Variants in ATXN2 observed in about 807,000 individuals in gnomAD.
The protein encoded by ATXN2 is ataxin 2.
ATXN2 carries 37 observed loss-of-function variants against 138.6 expected under a neutral mutation model. The observed-to-expected ratio is 0.27, with a 90% CI of 0.21 to 0.35. ATXN2 has a LOEUF of 0.35. Ranked by LOEUF, ATXN2 falls within the 10% of genes least tolerant of loss-of-function variation. The pLI, the probability that ATXN2 is intolerant of heterozygous loss-of-function variation, is 1.00. For missense variants in ATXN2, 1,216 were observed against 1,480.3 expected (o/e 0.82, Z 2.93); for synonymous variants, 549 against 543.7 (o/e 1.01, Z -0.13).
chr12:111,541,398 C>T (rs1297348731), intron 5 of ATXN2, among the ~76,000 whole-genome samples: 1 of 124,364 alleles, frequency 8.0e-6, no homozygotes, highest in African/African-American at 3.1e-5. Flanking sequence ...GTTGCCCAGG[C>T]TGGAGTGCAA....
At chr12:111,558,067 T>C (rs1442218743) in intron 1 of ATXN2, among the ~76,000 whole-genome samples, 2 of 152,218 alleles carry the variant, frequency 1.3e-5, no homozygotes, top group African/African-American at 2.4e-5. Context: ...TGTTTGACCA[T>C]GGAGTTTACT....
At chr12:111,526,943 C>T (rs527655198) in intron 5 of ATXN2, among the ~76,000 whole-genome samples, 1 of 152,308 alleles carries the variant, frequency 6.6e-6, no homozygotes, top group African/African-American at 2.4e-5. Context: ...TACAGTATTA[C>T]CTGTCTCAGA....
At position 111,577,351 on chromosome 12, in the gene ATXN2, C is replaced by T. The variant is rs188887834; in HGVS notation, c.252-21432G>A. Among the ~76,000 whole-genome samples the T allele has an allele frequency of 1.5e-3, 225 of 152,060 alleles. 2 individuals carry two copies. The highest frequency in any genetic ancestry group is 5.3e-3 in the African/African-American group (220 of 41,502). On this transcript the variant is annotated intron_variant, in intron 1 of 24. Transcript: ENST00000673436. ...CACGATCTCGGCTCACTGCAAGCTCCGCCTCCCGGGTTCACGCCATTCTCC... is the reference window on the plus strand; with the variant it reads ...CACGATCTCGGCTCACTGCAAGCTCTGCCTCCCGGGTTCACGCCATTCTCC...
intron 14 of ATXN2, among the ~76,000 whole-genome samples, chr12:111,489,491 T>C (rs1045926802): frequency 6.6e-6 from 1 of 151,932 alleles, no homozygotes; most frequent in Non-Finnish European, 1.5e-5. Flanking sequence ...CAGGCGCCTA[T>C]AGTCCCTGCT....
chr12:111,566,740 G>A (rs1104098), intron 1 of ATXN2, among the ~76,000 whole-genome samples: 17 of 151,552 alleles, frequency 1.1e-4, no homozygotes, highest in South Asian at 2.1e-4. Context: ...AGGTTCAAGC[G>A]ATTCTCCTGC....
At chr12:111,471,436 A>G (rs1476876121) in intron 18 of ATXN2, 1 of 152,182 alleles carries the variant, frequency 6.6e-6, no homozygotes, top group Non-Finnish European at 1.5e-5. Flanking sequence ...GCTACTTCCC[A>G]TGTGCCTCTT....
chr12:111,532,219 A>C (rs975423714), intron 5 of ATXN2, among the ~76,000 whole-genome samples: 2 of 152,122 alleles, frequency 1.3e-5, no homozygotes, highest in African/African-American at 2.4e-5. Flanking sequence ...GGTGGCTCAC[A>C]CCTGTAATCC....
At chr12:111,483,947 T>C (rs376218332) in intron 18 of ATXN2, among the ~76,000 whole-genome samples, 1 of 151,856 alleles carries the variant, frequency 6.6e-6, no homozygotes, top group South Asian at 2.1e-4. Flanking sequence ...GACGGCTGGC[T>C]AAGATTTCTA....
intron 21 of ATXN2, among the ~76,000 whole-genome samples, chr12:111,464,330 T>G (rs980625155): frequency 8.4e-6 from 1 of 119,282 alleles, no homozygotes; most frequent in Admixed American, 7.6e-5. Context: ...CTTGGGTGTG[T>G]GTGTTTGTGT....
chr12:111,464,588 T>G, intron 21 of ATXN2, 74 bp downstream of exon 21: 1 of 1,144,730 alleles, frequency 8.7e-7, no homozygotes. Context: ...TCAACAAGTC[T>G]ACTCCCTTAA....
chr12:111,488,770 C>T lies in ATXN2; in HGVS notation c.1946G>A (p.Ser649Asn), dbSNP rs574747776. 5 of 1,603,706 alleles carry T rather than the reference C, an allele frequency of 3.1e-6. No individual in the cohort carries two copies. Among genetic ancestry groups the T allele is most frequent in the Non-Finnish European group, 4.3e-6 (5 of 1,172,704 alleles). The change falls in exon 15 of 25, where the codon AGT becomes AAT. Residue 649 changes from serine to asparagine, a missense_variant. Coordinates refer to ENST00000673436, the MANE Select transcript of ATXN2 (RefSeq NM_001372574.1). Reference protein sequence around the residue: ...KFKNDFRLQPSSTSESMDQLL... With the variant: ...KFKNDFRLQPNSTSESMDQLL... The stretch of plus-strand genomic sequence containing the variant: ...TTGATCCATAGATTCAGAAGTAGAA[C>T]TTGGCTGTAACTAAATAAAGGAAAC...
At chr12:111,587,897 A>C (rs1566083297) in intron 1 of ATXN2, among the ~76,000 whole-genome samples, 1 of 152,116 alleles carries the variant, frequency 6.6e-6, no homozygotes, top group East Asian at 1.9e-4. Flanking sequence ...CATGGCACGA[A>C]ACTGACATTT....
At chr12:111,590,528 T>C (rs1884600585) in intron 1 of ATXN2, among the ~76,000 whole-genome samples, 1 of 151,704 alleles carries the variant, frequency 6.6e-6, no homozygotes, top group African/African-American at 2.4e-5. Context: ...CTACTAAAAA[T>C]ACAAAAATTA....
chr12:111,513,674 A>G (rs1298463410), intron 10 of ATXN2, 135 bp from the exon 11 acceptor site: 12 of 676,226 alleles, frequency 1.8e-5, no homozygotes, highest in South Asian at 1.1e-4. Flanking sequence ...TAAAAATAGA[A>G]AAAAAAAAAA....
intron 5 of ATXN2, among the ~76,000 whole-genome samples, chr12:111,537,205 A>T (rs1881236891): frequency 6.6e-6 from 1 of 152,226 alleles, no homozygotes; most frequent in South Asian, 2.1e-4. Context: ...GTGTAACTGT[A>T]TAATGGAATA....
At chr12:111,486,895 A>G (rs1681869046) in intron 15 of ATXN2, 71 bp from the exon 16 acceptor site, 10 of 1,292,186 alleles carry the variant, frequency 7.7e-6, no homozygotes, top group Non-Finnish European at 9.8e-6. Context: ...CATACCTGAC[A>G]ATTTAAAAAA....
chr12:111,455,709 A>G, intron 23 of ATXN2: 1 of 432,254 alleles, frequency 2.3e-6, no homozygotes, highest in African/African-American at 2.0e-5. Context: ...GTACACATAT[A>G]TATAGTAGTG....
chr12:111,537,333 C>A (rs746813741), intron 5 of ATXN2, among the ~76,000 whole-genome samples: 1 of 151,942 alleles, frequency 6.6e-6, no homozygotes, highest in African/African-American at 2.4e-5. Context: ...GGCTGCAATC[C>A]CAGCACTTTG....
chr12:111,552,276 C>A lies in ATXN2; in HGVS notation c.571+4G>T. ...TGAGGCATATTTAGGAAATCAAAACCCACCTCTTTTTGCATAACTGGAGTC... is the reference window on the plus strand; with the variant it reads ...TGAGGCATATTTAGGAAATCAAAACACACCTCTTTTTGCATAACTGGAGTC... On this transcript the variant is annotated splice_donor_region_variant and intron_variant, in intron 5 of 24. Transcript: ENST00000673436. This position sits in a 1 kb window ranked among gnomAD's most constrained non-coding sequence, Gnocchi z 4.1. The A allele has an allele frequency of 1.3e-6, 2 of 1,582,482 alleles. No individual in the cohort carries two copies. Among genetic ancestry groups the A allele is most frequent in the Non-Finnish European group, 8.6e-7 (1 of 1,168,462 alleles).
Sources: gnomAD v4.1 joint callset for allele counts (sites outside exome capture counted in the v4.1 genomes callset) on GRCh38, gnomAD v4.1.1 for gene constraint, Gnocchi (gnomAD v3.1) non-coding constraint, MANE v1.5 for transcripts, NCBI Gene and HGNC (gene_info 2026-07-23, HGNC 2026-07-21) for gene names.